The following MTUS1 variants were observed in gnomAD, a reference collection of about 807,000 sequenced individuals.
The protein encoded by MTUS1 is microtubule-associated tumor suppressor 1.
In MTUS1, 109 loss-of-function variants were observed where a neutral mutation model predicts 120.8. The observed-to-expected ratio is 0.90, with a 90% confidence interval of 0.77 to 1.06. The LOEUF (loss-of-function observed/expected upper bound fraction) is 1.06, where lower values mean the gene tolerates loss of function less well. Ranked by LOEUF, MTUS1 falls within the 50% of genes least tolerant of loss-of-function variation. MTUS1 has a pLI of 0.00. For missense variants in MTUS1, 2,210 were observed against 1,486.3 expected (o/e 1.49, Z -8.01); for synonymous variants, 737 against 550.5 (o/e 1.34, Z -4.74).
chr8:17,758,102 A>G (rs1340445710), intron 1 of MTUS1: 1 of 152,178 alleles, frequency 6.6e-6, no homozygotes, highest in Non-Finnish European at 1.5e-5. Context: ...TCCATGAGGG[A>G]GGGAAAAAAT....
intron 8 of MTUS1, among the ~76,000 whole-genome samples, chr8:17,664,690 C>G (rs1388507125): frequency 6.6e-6 from 1 of 152,088 alleles, no homozygotes; most frequent in Non-Finnish European, 1.5e-5. Context: ...GGAGGGGACA[C>G]TACATTCTAC....
intron 2 of MTUS1, among the ~76,000 whole-genome samples, chr8:17,746,515 G>C (rs998862840): frequency 1.3e-5 from 2 of 152,132 alleles, no homozygotes; most frequent in Non-Finnish European, 2.9e-5. Context: ...AGACAAGAGA[G>C]AATAAAAGCC....
intron 6 of MTUS1, among the ~76,000 whole-genome samples, chr8:17,688,358 C>T (rs926197610): frequency 9.2e-5 from 14 of 152,224 alleles, no homozygotes; most frequent in African/African-American, 3.4e-4. Context: ...AAGATCTCTG[C>T]TGACTCATGT....
chr8:17,748,656 C>T (rs774618568), intron 2 of MTUS1, among the ~76,000 whole-genome samples: 44 of 152,266 alleles, frequency 2.9e-4, no homozygotes, highest in Non-Finnish European at 4.6e-4. Flanking sequence ...ATGCTCCTGC[C>T]GGTGCTCAAA....
At chr8:17,741,522 G>C (rs1169972024) in intron 3 of MTUS1, among the ~76,000 whole-genome samples, 1 of 152,152 alleles carries the variant, frequency 6.6e-6, no homozygotes, top group Non-Finnish European at 1.5e-5. Context: ...ATCGACACAG[G>C]ATGATAAAAG....
intron 7 of MTUS1, among the ~76,000 whole-genome samples, chr8:17,678,201 T>C (rs1453314088): frequency 6.6e-6 from 1 of 152,214 alleles, no homozygotes; most frequent in Non-Finnish European, 1.5e-5. Context: ...TACTTGTAGA[T>C]GATAAAATGC....
At chr8:17,787,748 C>G (rs183996850) in intron 1 of MTUS1, among the ~76,000 whole-genome samples, 2 of 152,320 alleles carry the variant, frequency 1.3e-5, no homozygotes, top group African/African-American at 4.8e-5. Context: ...TACTGTTATG[C>G]CAACAACCTT....
At chr8:17,725,768 A>T (rs1203716947) in intron 3 of MTUS1, among the ~76,000 whole-genome samples, 1 of 152,190 alleles carries the variant, frequency 6.6e-6, no homozygotes, top group East Asian at 1.9e-4. Flanking sequence ...GAACATTATG[A>T]GATTTTTTTG....
At chr8:17,694,030 C>G (rs577687713) in intron 6 of MTUS1, among the ~76,000 whole-genome samples, 1 of 152,334 alleles carries the variant, frequency 6.6e-6, no homozygotes, top group African/African-American at 2.4e-5. Flanking sequence ...TCCTATTTGG[C>G]TACTTTTGAC....
intron 6 of MTUS1, among the ~76,000 whole-genome samples, chr8:17,701,732 G>C (rs965516287): frequency 7.2e-5 from 11 of 151,970 alleles, no homozygotes; most frequent in African/African-American, 2.4e-4. Flanking sequence ...TGTATTTTTA[G>C]TAGAGACAGG....
intron 6 of MTUS1, among the ~76,000 whole-genome samples, chr8:17,695,716 A>T (rs1293923808): frequency 6.6e-6 from 1 of 152,234 alleles, no homozygotes; most frequent in East Asian, 1.9e-4. Flanking sequence ...TTAATGAGGT[A>T]GATAAACATG....
At chr8:17,756,679 C>CCCCCCACCA (rs58787907) in intron 1 of MTUS1, among the ~76,000 whole-genome samples, 2 of 123,454 alleles carry the variant, frequency 1.6e-5, no homozygotes, top group Non-Finnish European at 3.3e-5. Context: ...AAACCCCCAC[C>CCCCCCACCA]CCTTATGTAA....
Position 17,753,849 on chromosome 8 carries a change from C to A in MTUS1, c.1959G>T (p.Met653Ile). The A allele has an allele frequency of 6.2e-7, 1 of 1,614,134 alleles. No individual in the cohort carries two copies. The highest frequency in any genetic ancestry group is 8.5e-7 in the Non-Finnish European group (1 of 1,179,994). Residue 653 changes from methionine to isoleucine, a missense_variant, in exon 2 of 15, where the codon ATG becomes ATT. Met to Ile is a conservative substitution (Grantham distance 10). Coordinates refer to ENST00000693296, the MANE Select transcript of MTUS1 (RefSeq NM_001363059.2). ...VKMESAECLE[M>I]TYVPNIDRIS... ...TCCTATCAATGTTGGGAACATAGGT[C>A]ATTTCCAAACATTCTGCACTTTCCA...
At chr8:17,733,887 T>C (rs543450478) in intron 3 of MTUS1, among the ~76,000 whole-genome samples, 1 of 152,270 alleles carries the variant, frequency 6.6e-6, no homozygotes, top group South Asian at 2.1e-4. Flanking sequence ...ACTTCTCAGA[T>C]CTCAGGGGGC....
intron 1 of MTUS1, among the ~76,000 whole-genome samples, chr8:17,796,244 A>C (rs1340673832): frequency 0.04 from 5 of 126 alleles, no homozygotes; most frequent in Middle Eastern, 0.5. Context: ...CACCACGCCC[A>C]GCCCCAAGAA....
chr8:17,749,796 C>G (rs1339090947), intron 2 of MTUS1, among the ~76,000 whole-genome samples: 1 of 152,088 alleles, frequency 6.6e-6, no homozygotes, highest in African/African-American at 2.4e-5. Context: ...TGATTGACGT[C>G]TTATGTCTCC....
chr8:17,769,983 TAAGC>T (rs2049905218), intron 1 of MTUS1, among the ~76,000 whole-genome samples: 2 of 150,568 alleles, frequency 1.3e-5, no homozygotes, highest in Admixed American at 6.6e-5. Flanking sequence ...AAGTGAGAAA[TAAGC>T]AAGGTTCTAG....
chr8:17,789,896 G>C (rs1346102360), intron 1 of MTUS1, among the ~76,000 whole-genome samples: 3 of 152,148 alleles, frequency 2.0e-5, no homozygotes, highest in Non-Finnish European at 2.9e-5. Context: ...ATATTCAGCT[G>C]AAACTGTGGT....
At chr8:17,767,577 G>A (rs2049626616) in intron 1 of MTUS1, among the ~76,000 whole-genome samples, 1 of 151,298 alleles carries the variant, frequency 6.6e-6, no homozygotes, top group South Asian at 2.1e-4. Context: ...GCACACCTAT[G>A]GTCCCAGCTA....
Sources: allele counts gnomAD v4.1 joint callset (sites outside exome capture counted in the v4.1 genomes callset), GRCh38; gene constraint gnomAD v4.1.1; transcripts MANE v1.5; gene names NCBI Gene and HGNC (gene_info 2026-07-23, HGNC 2026-07-21).